The following IQCM variants were observed in gnomAD, a reference collection of about 807,000 sequenced individuals.
The protein encoded by IQCM is IQ domain-containing protein M.
Under a neutral mutation model 57.6 loss-of-function variants are expected in IQCM, and 45 were observed. The observed-to-expected ratio is 0.78, with a 90% CI of 0.62 to 1.00. The LOEUF (loss-of-function observed/expected upper bound fraction) is 1.00, where lower values mean the gene tolerates loss of function less well. Ranked by LOEUF, IQCM falls within the 50% of genes least tolerant of loss-of-function variation. IQCM has a pLI of 0.00. For missense variants in IQCM, 468 were observed against 511.6 expected, an observed-to-expected ratio of 0.91 and a Z score of 0.82; for synonymous variants, 148 against 158.9, an observed-to-expected ratio of 0.93 and a Z score of 0.51.
At chr4:149,733,638 C>T in intron 4 of IQCM, 130 bp from the exon 5 acceptor site, 1 of 423,284 alleles carries the variant, frequency 2.4e-6, no homozygotes. Flanking sequence ...AAGTACCTTG[C>T]TATATAAGAC....
chr4:149,369,036 G>GTATATATATATATATACACACGTGTA (rs1169870573), intron 13 of IQCM, among the ~76,000 whole-genome samples: 632 of 60,602 alleles, frequency 0.01, 80 homozygotes, highest in Non-Finnish European at 0.018. Flanking sequence ...ATATACATGT[G>GTATATATATATATATACACACGTGTA]TATATATATA....
At chr4:149,662,267 G>T (rs1760291471) in intron 7 of IQCM, among the ~76,000 whole-genome samples, 1 of 151,880 alleles carries the variant, frequency 6.6e-6, no homozygotes, top group South Asian at 2.1e-4. Flanking sequence ...TTTTCTTGTT[G>T]ATTTCTAGCT....
At chr4:149,733,631 T>C (rs926074227) in intron 4 of IQCM, 123 bp from the exon 5 acceptor site, 2 of 437,508 alleles carry the variant, frequency 4.6e-6, no homozygotes, top group African/African-American at 4.1e-5. Flanking sequence ...TTTTACAAAG[T>C]ACCTTGCTAT....
chr4:149,382,344 TG>T (rs1404144979), intron 13 of IQCM, among the ~76,000 whole-genome samples: 3 of 152,142 alleles, frequency 2.0e-5, no homozygotes, highest in Non-Finnish European at 4.4e-5. Flanking sequence ...AGTGGAATAT[TG>T]CCAACTCTTT....
At chr4:149,463,442 G>C (rs1738521099) in intron 12 of IQCM, among the ~76,000 whole-genome samples, 1 of 152,206 alleles carries the variant, frequency 6.6e-6, no homozygotes, top group Non-Finnish European at 1.5e-5. Context: ...TGGGTAGTGT[G>C]TTTCTCTCTC....
intron 9 of IQCM, among the ~76,000 whole-genome samples, chr4:149,577,653 T>C (rs1437245968): frequency 1.8e-5 from 2 of 113,342 alleles, no homozygotes; most frequent in Non-Finnish European, 3.6e-5. Context: ...TAGTTTGAAG[T>C]AGGTAGTGTG....
At chr4:149,638,406 G>T (rs549924690) in intron 7 of IQCM, among the ~76,000 whole-genome samples, 1 of 151,694 alleles carries the variant, frequency 6.6e-6, no homozygotes, top group Non-Finnish European at 1.5e-5. Context: ...TGCACAGCCA[G>T]GTATTAAAAA....
chr4:149,388,605 T>C (rs1480921524), intron 13 of IQCM, among the ~76,000 whole-genome samples: 3 of 141,638 alleles, frequency 2.1e-5, no homozygotes, highest in Non-Finnish European at 3.1e-5. Context: ...TATACACATA[T>C]ATAGGCAAAG....
At chr4:149,518,599 GA>G (rs1379365554) in intron 12 of IQCM, among the ~76,000 whole-genome samples, 1 of 152,220 alleles carries the variant, frequency 6.6e-6, no homozygotes, top group East Asian at 1.9e-4. Context: ...AGGAAAATAG[GA>G]AGAAAAGAAA....
chr4:149,630,625 C>A (rs1161639139), intron 7 of IQCM, among the ~76,000 whole-genome samples: 1 of 151,988 alleles, frequency 6.6e-6, no homozygotes, highest in Admixed American at 6.6e-5. Context: ...ATCATATGTA[C>A]CTTACCTATT....
At position 149,471,784 on chromosome 4, in the gene IQCM, G is replaced by T. The variant is rs528123124; in HGVS notation, c.1229-38227C>A. On this transcript the variant is annotated intron_variant, in intron 12 of 13. Coordinates refer to ENST00000636793, the MANE Select transcript of IQCM (RefSeq NM_001363507.2). ...AAAGCTTATCCACCACGATCAAGTT[G>T]GCTTCATCCCTGGGTTGCAAGTCTG... 2.6e-3 allele frequency among the ~76,000 whole-genome samples: 401 copies of T among 152,200 alleles called. 4 individuals carry two copies. The highest frequency in any genetic ancestry group is 9.2e-3 in the African/African-American group (382 of 41,536).
At chr4:149,577,469 A>G (rs551728572) in intron 9 of IQCM, among the ~76,000 whole-genome samples, 5 of 152,138 alleles carry the variant, frequency 3.3e-5, no homozygotes, top group African/African-American at 1.2e-4. Flanking sequence ...TTATCCCAGC[A>G]CCATTTAATG....
intron 7 of IQCM, among the ~76,000 whole-genome samples, chr4:149,673,032 A>G (rs1409249627): frequency 1.3e-5 from 2 of 152,196 alleles, no homozygotes; most frequent in Non-Finnish European, 2.9e-5. Context: ...ACTAAGCTTC[A>G]TAAGTAAAGG....
chr4:149,409,432 T>C (rs1223714686), intron 13 of IQCM, among the ~76,000 whole-genome samples: 1 of 152,204 alleles, frequency 6.6e-6, no homozygotes, highest in Admixed American at 6.5e-5. Flanking sequence ...AGTCCAGCAA[T>C]TATCAATCTG....
chr4:149,510,126 G>A (rs1190397892), intron 12 of IQCM, among the ~76,000 whole-genome samples: 2 of 151,932 alleles, frequency 1.3e-5, no homozygotes, highest in South Asian at 4.2e-4. Context: ...TAAATTTTTG[G>A]AATCCTTGTT....
At chr4:149,694,544 CCA>C (rs139799316) in intron 5 of IQCM, among the ~76,000 whole-genome samples, 4 of 151,140 alleles carry the variant, frequency 2.6e-5, no homozygotes, top group Non-Finnish European at 4.4e-5. Flanking sequence ...CCCCCTCCTT[CCA>C]CACACACACA....
chr4:149,636,735 T>TC (rs1260208219), intron 7 of IQCM, among the ~76,000 whole-genome samples: 1 of 152,094 alleles, frequency 6.6e-6, no homozygotes, highest in African/African-American at 2.4e-5. Flanking sequence ...AATAAGAAAA[T>TC]GATAAGTAGA....
chr4:149,380,095 T>C (rs1277997175), intron 13 of IQCM, among the ~76,000 whole-genome samples: 1 of 152,154 alleles, frequency 6.6e-6, no homozygotes. Context: ...TCCAGCCACA[T>C]GGAATTGTAA....
chr4:149,365,926 G>A, intron 13 of IQCM, among the ~76,000 whole-genome samples: 1 of 152,084 alleles, frequency 6.6e-6, no homozygotes, highest in Non-Finnish European at 1.5e-5. Context: ...ACATTAGTGG[G>A]AAAACCAGTG....
Sources: allele counts gnomAD v4.1 joint callset (sites outside exome capture counted in the v4.1 genomes callset), GRCh38; gene constraint gnomAD v4.1.1; transcripts MANE v1.5; gene names NCBI Gene and HGNC (gene_info 2026-07-23, HGNC 2026-07-21).